The following DST variants were observed in gnomAD, a reference collection of about 807,000 sequenced individuals.
DST encodes the protein dystonin, also known as bullous pemphigoid antigen.
Under a neutral mutation model 875.2 loss-of-function variants are expected in DST, and 253 were observed. That is an observed-to-expected ratio of 0.29 (90% CI 0.26 to 0.32). DST has a LOEUF of 0.32. Ranked by LOEUF, DST falls within the 10% of genes least tolerant of loss-of-function variation. The pLI, the probability that DST is intolerant of heterozygous loss-of-function variation, is 1.00. For synonymous variants in DST, 3,124 were observed against 3,197.1 expected, an observed-to-expected ratio of 0.98 and a Z score of 0.77; for missense variants, 8,287 against 9,111.6, an observed-to-expected ratio of 0.91 and a Z score of 3.68.
At position 56,530,110 on chromosome 6, in the gene DST, G is replaced by A. The variant is rs755713935; in HGVS notation, c.17132C>T (p.Ser5711Leu). The change falls in exon 65 of 104, where the codon TCG becomes TTG. Residue 5711 changes from serine (S) to leucine (L), a missense_variant. Physicochemically the swap from Ser to Leu is moderately radical, Grantham distance 145. Around this residue, in one of 10 missense-constraint regions of DST, gnomAD observed 777 missense variants for 764.8 expected, o/e 1.02. Coordinates refer to ENST00000680361, the MANE Select transcript of DST (RefSeq NM_001374736.1). ...ETRNRQLEGI[S>L]VVAQQFHETL... Reference sequence around the variant, plus strand: ...TTCATGAAATTGCTGTGCTACCACCGAGATACCTTCCAACTGACGATTCCT... The same window carrying A: ...TTCATGAAATTGCTGTGCTACCACCAAGATACCTTCCAACTGACGATTCCT... The A allele has an allele frequency of 1.2e-5, 19 of 1,602,544 alleles. No homozygotes were observed. The highest frequency in any genetic ancestry group is 7.9e-5 in the South Asian group (7 of 88,690).
intron 2 of DST, among the ~76,000 whole-genome samples, chr6:56,901,172 C>T (rs1372509358): frequency 6.6e-6 from 1 of 152,122 alleles, no homozygotes; most frequent in Non-Finnish European, 1.5e-5. Context: ...CAGATGGGCC[C>T]GGGTCCAAAT....
chr6:56,485,289 T>C, intron 88 of DST, 23 bp downstream of exon 88: 1 of 1,612,658 alleles, frequency 6.2e-7, no homozygotes. Flanking sequence ...CAAGATAAAA[T>C]AAAATGTCCC....
Position 56,555,947 on chromosome 6 carries a change from G to GT in DST, c.14641-108dup, listed in dbSNP as rs1175742961. The GT allele has an allele frequency of 2.5e-6, 3 of 1,193,282 alleles. No homozygotes were observed. In the Admixed American group the frequency reaches 9.9e-5, roughly 39 times the overall value. 73.9% of individuals were successfully genotyped at this position (1,193,282 alleles called of 1,614,324 possible). On this transcript the variant is annotated intron_variant, in intron 59 of 103. Transcript: ENST00000680361. ...AATGGTAATTATTTCTCCAGTTTTT[G>GT]TTTTTTAGTTATCACTTTCCTACTT...
intron 72 of DST, among the ~76,000 whole-genome samples, chr6:56,514,578 TACACACACAC>T (rs766261479): frequency 1.4e-4 from 20 of 145,140 alleles, no homozygotes; most frequent in African/African-American, 4.7e-4. Flanking sequence ...CACAGGCGTA[TACACACACAC>T]ACACACACAC....
intron 76 of DST, 45 bp downstream of exon 76, chr6:56,506,622 C>T (rs1562434541): frequency 6.2e-7 from 1 of 1,610,374 alleles, no homozygotes; most frequent in Admixed American, 1.7e-5. Flanking sequence ...TTTTAGTTAA[C>T]TAAAAACTTT....
At chr6:56,667,411 G>A (rs781726558) in intron 10 of DST, among the ~76,000 whole-genome samples, 1 of 152,038 alleles carries the variant, frequency 6.6e-6, no homozygotes. Flanking sequence ...TTCTTTTCAA[G>A]TAAAGAAAGG....
At chr6:56,724,562 T>C (rs2099438877) in intron 5 of DST, among the ~76,000 whole-genome samples, 1 of 152,256 alleles carries the variant, frequency 6.6e-6, no homozygotes, top group Non-Finnish European at 1.5e-5. Flanking sequence ...GCTACTGCTC[T>C]GCAAATTATC....
In DST at chr6:56,616,478, T is replaced by C. The variant is rs760890319; in HGVS notation, c.4930-1994A>G. The C allele has an allele frequency of 9.3e-6, 15 of 1,614,114 alleles. No homozygotes were observed. In the South Asian group the frequency reaches 1.3e-4, roughly 14 times the overall value. ...TCTATGTGTTTTCTTGACATTGAGA[T>C]TGGAAATGTTCCTCTCCCCAAATGG... On this transcript the variant is annotated intron_variant, in intron 36 of 103. Transcript: ENST00000680361.
intron 4 of DST, among the ~76,000 whole-genome samples, chr6:56,756,922 T>C (rs1454950391): frequency 6.6e-6 from 1 of 152,174 alleles, no homozygotes; most frequent in Non-Finnish European, 1.5e-5. Flanking sequence ...CAAAGAGTCA[T>C]GGTCTTTTTT....
At position 56,618,613 on chromosome 6, in the gene DST, A is replaced by T. The variant is rs758544589; in HGVS notation, c.4930-4129T>A. ...GCTGCATTTGTTCACGATACTGTTG[A>T]AGCTGTCTTTCAAGTTCTTTAATGT... is the stretch of plus-strand genomic sequence containing the variant. On this transcript the variant is annotated intron_variant, in intron 36 of 103. Transcript: ENST00000680361. 10 of 1,613,966 alleles carry T rather than the reference A, an allele frequency of 6.2e-6. No homozygotes were observed. The highest frequency in any genetic ancestry group is 1.3e-5 in the African/African-American group (1 of 74,902).
At chr6:56,936,898 T>G (rs1226288524) in intron 2 of DST, among the ~76,000 whole-genome samples, 1 of 150,906 alleles carries the variant, frequency 6.6e-6, no homozygotes, top group Non-Finnish European at 1.5e-5. Context: ...CACATAAAAG[T>G]AAAGAAGTGG....
At chr6:56,786,453 T>C (rs2099705738) in intron 4 of DST, among the ~76,000 whole-genome samples, 1 of 152,220 alleles carries the variant, frequency 6.6e-6, no homozygotes, top group South Asian at 2.1e-4. Context: ...TATGTGTTTA[T>C]CACCAAGCTC....
At chr6:56,896,526 C>T (rs1791376704) in intron 3 of DST, among the ~76,000 whole-genome samples, 1 of 152,160 alleles carries the variant, frequency 6.6e-6, no homozygotes, top group South Asian at 2.1e-4. Flanking sequence ...TCTTTATCAG[C>T]AGCATGAAAA....
chr6:56,546,478 A>C (rs1315736835), intron 61 of DST, among the ~76,000 whole-genome samples: 1 of 145,278 alleles, frequency 6.9e-6, no homozygotes, highest in Non-Finnish European at 1.5e-5. Context: ...TCTTCAGAGA[A>C]AAAAAAAAAC....
At chr6:56,856,347 T>C (rs921796978) in intron 3 of DST, among the ~76,000 whole-genome samples, 2 of 152,180 alleles carry the variant, frequency 1.3e-5, no homozygotes, top group Non-Finnish European at 2.9e-5. Flanking sequence ...CGGAGAAAAG[T>C]GCAGAGACAA....
At chr6:56,693,046 T>C (rs2099242566) in intron 9 of DST, 6 of 1,289,684 alleles carry the variant, frequency 4.7e-6, no homozygotes, top group Non-Finnish European at 6.1e-6. Context: ...TCTTCTGAAA[T>C]ATTTTCTTCC....
chr6:56,901,602 A>G (rs1231760909), intron 2 of DST, among the ~76,000 whole-genome samples: 2 of 151,996 alleles, frequency 1.3e-5, no homozygotes, highest in African/African-American at 4.8e-5. Context: ...CTAAAAAATA[A>G]AATAAAATAA....
rs574887403 is a variant in DST at position 56,790,166 on chromosome 6, G to A, written c.626-54877C>T. Reference sequence around the variant, plus strand: ...TGGGGACTTTCCCATTATTTCTCCAGAGCCGGAATTTTTCTTGCCAGAAAG... The same window carrying A: ...TGGGGACTTTCCCATTATTTCTCCAAAGCCGGAATTTTTCTTGCCAGAAAG... On this transcript the variant is annotated intron_variant, in intron 4 of 103. Transcript: ENST00000680361. Among the ~76,000 whole-genome samples the A allele has an allele frequency of 1.8e-4, 28 of 151,966 alleles. 1 individual carries two copies. In the South Asian group the frequency reaches 5.6e-3, roughly 30 times the overall value.
At position 56,627,297 on chromosome 6, in the gene DST, T is replaced by G; in HGVS notation, c.4639-10A>C. ...TTTCGGACACCAGCATCTATAAATA[T>G]ACACAGTTTAGAACAAAAATGACAA... On this transcript the variant is annotated splice_polypyrimidine_tract_variant and intron_variant, in intron 33 of 103. Transcript: ENST00000680361. 6.3e-7 allele frequency: 1 copy of G among 1,598,020 alleles called. No homozygotes were observed. Among genetic ancestry groups the G allele is most frequent in the Non-Finnish European group, 8.6e-7 (1 of 1,166,338 alleles).
Sources: gnomAD v4.1 joint callset for allele counts (sites outside exome capture counted in the v4.1 genomes callset) on GRCh38, gnomAD v4.1.1 for gene constraint, gnomAD v4.1.1 regional missense constraint, MANE v1.5 for transcripts, NCBI Gene and HGNC (gene_info 2026-07-23, HGNC 2026-07-21) for gene names.